The following ACYP2 variants were observed in gnomAD, a reference collection of about 807,000 sequenced individuals.
ACYP2 encodes acylphosphatase 2.
ACYP2 carries 12 observed loss-of-function variants against 11.2 expected under a neutral mutation model. That is an observed-to-expected ratio of 1.08 (90% CI 0.69 to 1.74). The LOEUF is 1.74. Among genes scored for constraint, ACYP2 ranks in the 40% most tolerant of loss-of-function variants. The pLI is 0.00. For missense variants in ACYP2, 134 were observed against 101.9 expected, an observed-to-expected ratio of 1.31 and a Z score of -1.35; for synonymous variants, 43 against 32.2, an observed-to-expected ratio of 1.33 and a Z score of -1.13.
rs139626808 is a variant in ACYP2 at position 54,036,055 on chromosome 2, G to C, written c.63-14903G>C. 2.5e-3 allele frequency among the ~76,000 whole-genome samples: 375 copies of C among 152,232 alleles called. 1 individual carries two copies. Among genetic ancestry groups the C allele is most frequent in the African/African-American group, 8.6e-3 (358 of 41,530 alleles). ...AGTACCTCTCCAAGCTTAGAGTAGG[G>C]GAAAGAAAGTCTTAACCTTTAGCAT... is the stretch of plus-strand genomic sequence containing the variant. On this transcript the variant is annotated intron_variant, in intron 2 of 6. Transcript: ENST00000607452.
chr2:54,212,354 CAT>C lies in ACYP2; in HGVS notation c.404+73608_404+73609del, dbSNP rs1685362456. On this transcript the variant is annotated intron_variant, in intron 6 of 6. Coordinates refer to ENST00000607452, the MANE Select transcript of ACYP2 (RefSeq NM_001320586.2). The stretch of plus-strand genomic sequence containing the variant: ...GTCATAGATTACATATCAAATTGCA[CAT>C]AGAATTTCTGCTTTTCAATTTTAAT... Among the ~76,000 whole-genome samples the C allele has an allele frequency of 2.0e-5, 3 of 152,172 alleles. No homozygotes were observed. The South Asian group carries it at 6.2e-4, about 32-fold the overall frequency.
At chr2:53,987,133 C>T (rs1672074349) in intron 2 of ACYP2, among the ~76,000 whole-genome samples, 1 of 152,080 alleles carries the variant, frequency 6.6e-6, no homozygotes, top group Admixed American at 6.6e-5. Context: ...ACAAGCAAAA[C>T]TAATTTGTGA....
At chr2:54,294,889 C>T (rs1444842866) in intron 6 of ACYP2, among the ~76,000 whole-genome samples, 2 of 150,622 alleles carry the variant, frequency 1.3e-5, no homozygotes, top group African/African-American at 4.9e-5. Context: ...GCATTTCAGC[C>T]TGGGTGACAG....
chr2:53,975,195 A>T, intron 2 of ACYP2: 1 of 395,642 alleles, frequency 2.5e-6, no homozygotes, highest in Non-Finnish European at 4.5e-6. Context: ...ACTGCATTCC[A>T]ACCTGGCGAC....
At chr2:54,090,428 A>C (rs1678164388) in intron 4 of ACYP2, among the ~76,000 whole-genome samples, 1 of 152,184 alleles carries the variant, frequency 6.6e-6, no homozygotes, top group Non-Finnish European at 1.5e-5. Flanking sequence ...AAGGAGTTTG[A>C]GACCAGCCTG....
chr2:54,261,040 G>C (rs1687753215), intron 6 of ACYP2, among the ~76,000 whole-genome samples: 1 of 152,166 alleles, frequency 6.6e-6, no homozygotes, highest in African/African-American at 2.4e-5. Flanking sequence ...TGGGAAGGCA[G>C]ACACCTTTAG....
chr2:54,072,482 T>C (rs146086461), intron 4 of ACYP2, among the ~76,000 whole-genome samples: 8 of 114,560 alleles, frequency 7.0e-5, no homozygotes, highest in Admixed American at 1.7e-4. Context: ...CTTTCTTTCT[T>C]TCTTTTTTCT....
At chr2:53,981,955 T>C (rs1671785679) in intron 2 of ACYP2, among the ~76,000 whole-genome samples, 1 of 152,244 alleles carries the variant, frequency 6.6e-6, no homozygotes, top group East Asian at 1.9e-4. Context: ...TAAAAGAATT[T>C]TTCAGCACCA....
intron 6 of ACYP2, among the ~76,000 whole-genome samples, chr2:54,272,069 C>A (rs1308830587): frequency 1.3e-5 from 2 of 152,248 alleles, no homozygotes; most frequent in Middle Eastern, 6.8e-3. Flanking sequence ...GATGAAGCAC[C>A]TTCTTTTCAT....
intron 6 of ACYP2, among the ~76,000 whole-genome samples, chr2:54,229,084 G>C (rs529382046): frequency 2.6e-5 from 4 of 152,104 alleles, no homozygotes; most frequent in Non-Finnish European, 5.9e-5. Context: ...CAGAAGCAAG[G>C]GCACCGAGCC....
chr2:54,031,628 T>C (rs1215882079), intron 2 of ACYP2, among the ~76,000 whole-genome samples: 12 of 152,202 alleles, frequency 7.9e-5, no homozygotes, highest in African/African-American at 2.9e-4. Context: ...TATAGTCCTT[T>C]GAGTATATGC....
chr2:54,212,648 C>G (rs1443527905), intron 6 of ACYP2, among the ~76,000 whole-genome samples: 1 of 152,232 alleles, frequency 6.6e-6, no homozygotes, highest in Non-Finnish European at 1.5e-5. Context: ...GGATGTGGTA[C>G]AGAGGAGCTA....
chr2:54,042,925 C>T (rs1183962168), intron 2 of ACYP2, among the ~76,000 whole-genome samples: 1 of 152,226 alleles, frequency 6.6e-6, no homozygotes, highest in Non-Finnish European at 1.5e-5. Context: ...ATTTCCACCT[C>T]CCTATAATTT....
At chr2:54,176,112 A>G (rs1342721868) in intron 6 of ACYP2, among the ~76,000 whole-genome samples, 1 of 152,166 alleles carries the variant, frequency 6.6e-6, no homozygotes, top group Non-Finnish European at 1.5e-5. Context: ...TCTGTTGTTT[A>G]TATAAAGTAC....
chr2:53,974,638 T>C (rs981153498), intron 2 of ACYP2, among the ~76,000 whole-genome samples: 1 of 152,190 alleles, frequency 6.6e-6, no homozygotes, highest in African/African-American at 2.4e-5. Flanking sequence ...TAATACTGTT[T>C]AGTGGCCCAG....
At chr2:54,022,506 T>C (rs1674057737) in intron 2 of ACYP2, among the ~76,000 whole-genome samples, 1 of 152,076 alleles carries the variant, frequency 6.6e-6, no homozygotes, top group Non-Finnish European at 1.5e-5. Flanking sequence ...CTCAGCCTTC[T>C]GAGTAGTTGG....
chr2:54,012,962 C>A (rs1194746434), intron 2 of ACYP2, among the ~76,000 whole-genome samples: 2 of 152,134 alleles, frequency 1.3e-5, no homozygotes, highest in African/African-American at 4.8e-5. Context: ...TCTAGTTACG[C>A]CAGCTCTTAG....
At chr2:54,142,610 C>A (rs1681668504) in intron 6 of ACYP2, 1 of 152,226 alleles carries the variant, frequency 6.6e-6, no homozygotes, top group African/African-American at 2.4e-5. Context: ...GTTGTCCCAG[C>A]TACTTGGGAG....
chr2:54,226,995 G>A (rs1469333101), intron 6 of ACYP2, among the ~76,000 whole-genome samples: 1 of 152,144 alleles, frequency 6.6e-6, no homozygotes, highest in Non-Finnish European at 1.5e-5. Flanking sequence ...TGAGGCTATG[G>A]AATTGGGTAA....
Sources: gnomAD v4.1 joint callset for allele counts (sites outside exome capture counted in the v4.1 genomes callset) on GRCh38, gnomAD v4.1.1 for gene constraint, MANE v1.5 for transcripts, NCBI Gene and HGNC (gene_info 2026-07-23, HGNC 2026-07-21) for gene names.